Variants in GRID2 observed in about 807,000 individuals in gnomAD.
The protein encoded by GRID2 is glutamate ionotropic receptor delta type subunit 2, also known as glutamate receptor ionotropic, delta-2.
Under a neutral mutation model 114.8 loss-of-function variants are expected in GRID2, and 33 were observed. The observed-to-expected ratio is 0.29, with a 90% CI of 0.22 to 0.38. The LOEUF is 0.38. Ranked by LOEUF, GRID2 falls within the 10% of genes least tolerant of loss-of-function variation. The pLI is 1.00. For synonymous variants in GRID2, 505 were observed against 449.9 expected (o/e 1.12, Z -1.55); for missense variants, 1,184 against 1,257.7 (o/e 0.94, Z 0.89).
intron 2 of GRID2, among the ~76,000 whole-genome samples, chr4:93,043,422 C>T (rs891765856): frequency 6.6e-6 from 1 of 152,036 alleles, no homozygotes; most frequent in Admixed American, 6.6e-5. Flanking sequence ...AAACATTACA[C>T]AATGGTGAAA....
chr4:92,827,209 T>C (rs865913399), intron 2 of GRID2, among the ~76,000 whole-genome samples: 1 of 152,174 alleles, frequency 6.6e-6, no homozygotes, highest in Middle Eastern at 3.4e-3. Flanking sequence ...TATTCTATTT[T>C]ATTTAAAACC....
chr4:92,578,928 A>T (rs1481715477), intron 1 of GRID2, among the ~76,000 whole-genome samples: 1 of 152,170 alleles, frequency 6.6e-6, no homozygotes, highest in Non-Finnish European at 1.5e-5. Context: ...TTACCAAAAA[A>T]CCAGAATTCA....
At chr4:92,415,936 G>T (rs1731591966) in intron 1 of GRID2, among the ~76,000 whole-genome samples, 1 of 151,454 alleles carries the variant, frequency 6.6e-6, no homozygotes, top group Admixed American at 6.6e-5. Flanking sequence ...TGGGCTTGCT[G>T]GATCAAATGA....
intron 2 of GRID2, among the ~76,000 whole-genome samples, chr4:92,640,323 T>A (rs1322880637): frequency 6.6e-6 from 1 of 151,872 alleles, no homozygotes; most frequent in East Asian, 1.9e-4. Flanking sequence ...CCTTAGACAT[T>A]TACTTCAAAC....
chr4:93,042,001 C>T (rs1295206944), intron 2 of GRID2, among the ~76,000 whole-genome samples: 2 of 152,042 alleles, frequency 1.3e-5, no homozygotes, highest in East Asian at 3.9e-4. Context: ...CTCCCAGGTT[C>T]ACACCATTCT....
chr4:93,358,067 T>A (rs1288723482), intron 8 of GRID2, among the ~76,000 whole-genome samples: 1 of 151,828 alleles, frequency 6.6e-6, no homozygotes, highest in Admixed American at 6.6e-5. Context: ...TTTAAGATAG[T>A]TTCATTGGAC....
intron 2 of GRID2, among the ~76,000 whole-genome samples, chr4:92,752,324 A>G (rs929477761): frequency 3.3e-5 from 5 of 152,180 alleles, no homozygotes; most frequent in African/African-American, 1.2e-4. Flanking sequence ...ATATAGAAAA[A>G]AATACAAGAG....
At chr4:93,663,036 A>G (rs977485456) in intron 14 of GRID2, among the ~76,000 whole-genome samples, 2 of 152,190 alleles carry the variant, frequency 1.3e-5, no homozygotes, top group African/African-American at 4.8e-5. Context: ...GCTTCCTCAT[A>G]TTGCCACAGA....
chr4:92,827,259 C>A (rs566524910), intron 2 of GRID2, among the ~76,000 whole-genome samples: 1 of 151,702 alleles, frequency 6.6e-6, no homozygotes, highest in East Asian at 1.9e-4. Flanking sequence ...GTTATATTAA[C>A]GTTTAATGAA....
At chr4:92,802,435 C>T (rs1740218905) in intron 2 of GRID2, among the ~76,000 whole-genome samples, 1 of 151,706 alleles carries the variant, frequency 6.6e-6, no homozygotes, top group African/African-American at 2.4e-5. Flanking sequence ...TAAAAATTCT[C>T]TGTGCTTTGT....
At chr4:92,636,177 A>G (rs1731056896) in intron 2 of GRID2, among the ~76,000 whole-genome samples, 1 of 151,926 alleles carries the variant, frequency 6.6e-6, no homozygotes, top group Admixed American at 6.6e-5. Flanking sequence ...TCCTGCTTGA[A>G]TTACTATTTC....
chr4:93,327,319 A>G (rs929990368), intron 8 of GRID2, among the ~76,000 whole-genome samples: 1 of 152,066 alleles, frequency 6.6e-6, no homozygotes, highest in Non-Finnish European at 1.5e-5. Flanking sequence ...ACTTTCTCCA[A>G]CCTACCCACA....
chr4:92,897,192 C>T (rs1041672260), intron 2 of GRID2, among the ~76,000 whole-genome samples: 1 of 152,054 alleles, frequency 6.6e-6, no homozygotes. Flanking sequence ...TTTTAAATGT[C>T]TCTGTCTGCC....
chr4:93,398,043 T>C (rs908290262), intron 9 of GRID2, among the ~76,000 whole-genome samples: 1 of 150,784 alleles, frequency 6.6e-6, no homozygotes. Flanking sequence ...TATTTTGTCC[T>C]CACAATATTC....
chr4:93,230,692 G>C (rs540479509), intron 7 of GRID2, among the ~76,000 whole-genome samples: 1 of 151,920 alleles, frequency 6.6e-6, no homozygotes, highest in Non-Finnish European at 1.5e-5. Context: ...TTTGGTGTCT[G>C]TGTACTTTAC....
chr4:92,461,383 T>A (rs879764585), intron 1 of GRID2, among the ~76,000 whole-genome samples: 4 of 151,986 alleles, frequency 2.6e-5, no homozygotes, highest in Non-Finnish European at 4.4e-5. Flanking sequence ...ATACGTTGTT[T>A]TGCTTAAGTC....
At chr4:93,063,477 T>C (rs1015933298) in intron 2 of GRID2, among the ~76,000 whole-genome samples, 1 of 151,860 alleles carries the variant, frequency 6.6e-6, no homozygotes, top group African/African-American at 2.4e-5. Flanking sequence ...CAATCTCATT[T>C]TCCTCCCACT....
chr4:93,540,598 C>T (rs139643047), intron 13 of GRID2, among the ~76,000 whole-genome samples: 159 of 152,222 alleles, frequency 1.0e-3, no homozygotes, highest in African/African-American at 3.1e-3. Flanking sequence ...GACAGAAGAG[C>T]TGGACTATGG....
At chr4:92,721,245 T>C (rs1018302492) in intron 2 of GRID2, among the ~76,000 whole-genome samples, 2 of 152,036 alleles carry the variant, frequency 1.3e-5, no homozygotes, top group South Asian at 2.1e-4. Context: ...TGTTATAAAA[T>C]GTGAATATGC....
Sources: allele counts gnomAD v4.1 joint callset (sites outside exome capture counted in the v4.1 genomes callset), GRCh38; gene constraint gnomAD v4.1.1; transcripts MANE v1.5; gene names NCBI Gene and HGNC (gene_info 2026-07-23, HGNC 2026-07-21).